The following ATP8B4 variants were observed in gnomAD, a reference collection of about 807,000 sequenced individuals.
ATP8B4 encodes ATPase phospholipid transporting 8B4 (putative), also known as probable phospholipid-transporting ATPase IM.
A neutral mutation model predicts 145.6 loss-of-function variants in ATP8B4; 133 were observed. That is an observed-to-expected ratio of 0.91 (90% CI 0.79 to 1.05). The LOEUF is 1.05. Ranked by LOEUF, ATP8B4 falls within the 50% of genes least tolerant of loss-of-function variation. The pLI, the probability that ATP8B4 is intolerant of heterozygous loss-of-function variation, is 0.00. For synonymous variants in ATP8B4, 507 were observed against 492.9 expected (o/e 1.03, Z -0.38); for missense variants, 1,458 against 1,425.2 (o/e 1.02, Z -0.37).
In ATP8B4 at chr15:49,947,174, TG is replaced by T. The variant is rs2042637469; in HGVS notation, c.1288-12993del. 2.6e-5 allele frequency among the ~76,000 whole-genome samples: 4 copies of T among 152,224 alleles called. No homozygotes were observed. In the South Asian group the frequency reaches 8.3e-4, roughly 32 times the overall value. ...GAGGCCGGGTGCGGTGGCTCATGCT[TG>T]TAATCCCAGCATTTTGAGAAGCCAA... is the stretch of plus-strand genomic sequence containing the variant. On this transcript the variant is annotated intron_variant, in intron 14 of 27. Transcript: ENST00000284509.
chr15:49,987,438 C>T lies in ATP8B4; in HGVS notation c.701G>A (p.Cys234Tyr). Residue 234 changes from cysteine (C) to tyrosine (Y), a missense_variant, in exon 10 of 28, where the codon TGC becomes TAC. Physicochemically the swap from Cys to Tyr is radical, Grantham distance 194 (BLOSUM62 -2). Transcript: ENST00000284509. Reference protein sequence around the residue: ...LNNEKIILRGCILRNTSWCFG... With the variant: ...LNNEKIILRGYILRNTSWCFG... ...ACACCAGCTGGTATTTCTCAGGATGCAGCCTCTCAGGATTATCTTCTCATT... is the reference window on the plus strand; with the variant it reads ...ACACCAGCTGGTATTTCTCAGGATGTAGCCTCTCAGGATTATCTTCTCATT... 2 of 1,613,892 alleles carry T rather than the reference C, an allele frequency of 1.2e-6. No homozygotes were observed. Among genetic ancestry groups the T allele is most frequent in the Non-Finnish European group, 1.7e-6 (2 of 1,179,836 alleles).
intron 1 of ATP8B4, among the ~76,000 whole-genome samples, chr15:50,141,155 A>G (rs1247231288): frequency 6.6e-6 from 1 of 152,028 alleles, no homozygotes; most frequent in Non-Finnish European, 1.5e-5. Flanking sequence ...CCCTTGGGAC[A>G]TTCCCTTTCC....
At position 49,897,571 on chromosome 15, in the gene ATP8B4, GAA is replaced by G. The variant is rs35025315; in HGVS notation, c.2474-58_2474-57del. 4 of 1,371,642 alleles carry G rather than the reference GAA, an allele frequency of 2.9e-6. No individual in the cohort carries two copies. The African/African-American group carries it at 5.8e-5, about 20-fold the overall frequency. The allele number at this position is 1,371,642 out of a possible 1,614,324, so 85.0% of individuals were successfully genotyped here. On this transcript the variant is annotated intron_variant, in intron 22 of 27. Transcript: ENST00000284509. ...CAAAACAAAGCCACGATCTCTTTTG[GAA>G]ACTTGTCATTCCTCTTTTATTTACG... is the stretch of plus-strand genomic sequence containing the variant.
At chr15:50,013,175 T>G (rs4580096) in intron 6 of ATP8B4, among the ~76,000 whole-genome samples, 18,177 of 152,166 alleles carry the variant, frequency 0.12, 1,485 homozygotes, top group East Asian at 0.29. Context: ...ATTTCTAGAC[T>G]TCTAAAATTT....
chr15:50,138,330 A>ATAGG (rs1372165364), intron 1 of ATP8B4, among the ~76,000 whole-genome samples: 2 of 21,382 alleles, frequency 9.4e-5, no homozygotes, highest in African/African-American at 1.6e-4. Context: ...AGATAGGTAG[A>ATAGG]TAGATAGATA....
intron 3 of ATP8B4, among the ~76,000 whole-genome samples, chr15:50,048,514 C>T (rs1425555659): frequency 6.6e-6 from 1 of 151,864 alleles, no homozygotes; most frequent in African/African-American, 2.4e-5. Context: ...TCGAGACCAG[C>T]CTGGCCAACA....
intron 3 of ATP8B4, among the ~76,000 whole-genome samples, chr15:50,063,338 C>A (rs2053160975): frequency 6.6e-6 from 1 of 151,764 alleles, no homozygotes; most frequent in Non-Finnish European, 1.5e-5. Flanking sequence ...ATCCAGGTTG[C>A]CCATTAGAAT....
intron 19 of ATP8B4, among the ~76,000 whole-genome samples, chr15:49,917,823 A>T (rs2039895646): frequency 6.6e-6 from 1 of 152,222 alleles, no homozygotes; most frequent in Non-Finnish European, 1.5e-5. Flanking sequence ...CTCAGCATAT[A>T]CCTTGTATAA....
At chr15:50,074,494 G>C (rs1181883133) in intron 2 of ATP8B4, among the ~76,000 whole-genome samples, 2 of 152,192 alleles carry the variant, frequency 1.3e-5, no homozygotes, top group African/African-American at 4.8e-5. Context: ...TGGTTCCTAA[G>C]AGAAGGAGCT....
intron 6 of ATP8B4, among the ~76,000 whole-genome samples, chr15:50,021,127 GA>G (rs2049522507): frequency 8.3e-6 from 1 of 119,898 alleles, no homozygotes; most frequent in Non-Finnish European, 1.9e-5. Flanking sequence ...ATGATAGATA[GA>G]TAGATAGATA....
At chr15:49,879,251 A>G in intron 24 of ATP8B4, 125 bp downstream of exon 24, 1 of 827,584 alleles carries the variant, frequency 1.2e-6, no homozygotes, top group Non-Finnish European at 1.9e-6. Flanking sequence ...TGATCCATGC[A>G]AAAGCAACTA....
intron 1 of ATP8B4, among the ~76,000 whole-genome samples, chr15:50,152,379 T>C (rs538141867): frequency 4.6e-5 from 7 of 152,308 alleles, no homozygotes; most frequent in African/African-American, 1.7e-4. Context: ...GATTTCATAT[T>C]AGATTTCTAA....
intron 20 of ATP8B4, among the ~76,000 whole-genome samples, chr15:49,909,317 C>T (rs1422574880): frequency 6.6e-6 from 1 of 152,198 alleles, no homozygotes; most frequent in Admixed American, 6.5e-5. Context: ...CTGCACTTAC[C>T]ACCCGTGGAC....
At chr15:50,157,436 C>G (rs2044436140) in intron 1 of ATP8B4, among the ~76,000 whole-genome samples, 1 of 152,184 alleles carries the variant, frequency 6.6e-6, no homozygotes, top group Admixed American at 6.5e-5. Flanking sequence ...CAACAGTGAT[C>G]CTGCTTCAGA....
intron 1 of ATP8B4, among the ~76,000 whole-genome samples, chr15:50,149,528 T>G (rs9806428): frequency 0.45 from 69,105 of 151,938 alleles, 16,469 homozygotes; most frequent in East Asian, 0.89. Flanking sequence ...AGGAAACAAC[T>G]GCAGAGAGGA....
chr15:50,018,630 G>A (rs774047848), intron 6 of ATP8B4, among the ~76,000 whole-genome samples: 1 of 152,184 alleles, frequency 6.6e-6, no homozygotes, highest in Non-Finnish European at 1.5e-5. Flanking sequence ...AAAGTCCAGT[G>A]AGAAAACTGA....
chr15:50,015,793 G>A (rs912343182), intron 6 of ATP8B4, among the ~76,000 whole-genome samples: 1 of 152,106 alleles, frequency 6.6e-6, no homozygotes, highest in African/African-American at 2.4e-5. Context: ...TGAACATAAC[G>A]CTCATATCTT....
chr15:49,864,640 G>C (rs2032461125), intron 26 of ATP8B4, among the ~76,000 whole-genome samples: 1 of 152,290 alleles, frequency 6.6e-6, no homozygotes, highest in East Asian at 1.9e-4. Context: ...TATACTCTTT[G>C]TAGAATAATA....
At chr15:49,903,222 G>C (rs1319636575) in intron 20 of ATP8B4, among the ~76,000 whole-genome samples, 2 of 152,094 alleles carry the variant, frequency 1.3e-5, no homozygotes, top group Admixed American at 1.3e-4. Flanking sequence ...TCAAACACCA[G>C]CTGGTTCTCA....
Sources: allele counts gnomAD v4.1 joint callset (sites outside exome capture counted in the v4.1 genomes callset), GRCh38; gene constraint gnomAD v4.1.1; transcripts MANE v1.5; gene names NCBI Gene and HGNC (gene_info 2026-07-23, HGNC 2026-07-21).